The following CSMD1 variants were observed in gnomAD, a reference collection of about 807,000 sequenced individuals.
The protein encoded by CSMD1 is CUB and sushi domain-containing protein 1.
In CSMD1, 213 loss-of-function variants were observed where a neutral mutation model predicts 417.5. The observed-to-expected ratio is 0.51, with a 90% confidence interval of 0.46 to 0.57. The LOEUF is 0.57. CSMD1 is among the 20% of genes least tolerant of loss of function. The pLI is 0.00. For missense variants in CSMD1, 6,923 were observed against 4,529.7 expected, an observed-to-expected ratio of 1.53 and a Z score of -15.17; for synonymous variants, 2,862 against 1,736.8, an observed-to-expected ratio of 1.65 and a Z score of -16.11.
chr8:4,388,935 A>C (rs1258581819), intron 3 of CSMD1, among the ~76,000 whole-genome samples: 1 of 152,124 alleles, frequency 6.6e-6, no homozygotes, highest in Non-Finnish European at 1.5e-5. Flanking sequence ...ATGCTTTGAA[A>C]ACCTGTTGCC....
chr8:3,177,797 T>A (rs1239384264), intron 37 of CSMD1, among the ~76,000 whole-genome samples: 1 of 152,194 alleles, frequency 6.6e-6, no homozygotes, highest in Non-Finnish European at 1.5e-5. Context: ...GTAAGATCCA[T>A]CCTGTACACC....
chr8:3,930,312 G>C (rs2627334), intron 5 of CSMD1, among the ~76,000 whole-genome samples: 7 of 149,686 alleles, frequency 4.7e-5, no homozygotes, highest in Admixed American at 1.3e-4. Flanking sequence ...TCAAAGACCT[G>C]TGCTAACACT....
intron 3 of CSMD1, among the ~76,000 whole-genome samples, chr8:4,150,654 T>C (rs1216836700): frequency 1.3e-5 from 2 of 152,138 alleles, no homozygotes; most frequent in African/African-American, 2.4e-5. Context: ...GTTTTCCAAA[T>C]GGTTAGGGTG....
At chr8:4,130,135 A>G (rs923952583) in intron 3 of CSMD1, among the ~76,000 whole-genome samples, 9 of 152,240 alleles carry the variant, frequency 5.9e-5, no homozygotes, top group African/African-American at 2.2e-4. Flanking sequence ...CAGTAAATCA[A>G]GCTTGCTTAT....
intron 12 of CSMD1, among the ~76,000 whole-genome samples, chr8:3,432,286 C>G (rs1814265393): frequency 6.6e-6 from 1 of 151,932 alleles, no homozygotes; most frequent in African/African-American, 2.4e-5. Context: ...GATTGAGAAA[C>G]TATGCAAATG....
At chr8:4,089,942 T>G (rs1051559108) in intron 3 of CSMD1, among the ~76,000 whole-genome samples, 3 of 152,166 alleles carry the variant, frequency 2.0e-5, no homozygotes, top group Non-Finnish European at 4.4e-5. Flanking sequence ...CATGTATTAT[T>G]GTTGAATACG....
intron 1 of CSMD1, among the ~76,000 whole-genome samples, chr8:4,835,120 T>C (rs193216159): frequency 6.6e-6 from 1 of 151,956 alleles, no homozygotes. Context: ...CATTTATTAT[T>C]AAGGCGGCAA....
intron 3 of CSMD1, among the ~76,000 whole-genome samples, chr8:4,401,882 C>T (rs1412703276): frequency 2.0e-5 from 3 of 152,116 alleles, no homozygotes; most frequent in African/African-American, 7.2e-5. Context: ...TTTGACTCTT[C>T]TGTCTTCAGG....
chr8:4,394,933 C>T (rs777956856), intron 3 of CSMD1, among the ~76,000 whole-genome samples: 1 of 152,180 alleles, frequency 6.6e-6, no homozygotes, highest in African/African-American at 2.4e-5. Flanking sequence ...TGAATCTCAA[C>T]TCACAGCTCA....
At chr8:4,079,072 T>C (rs996912592) in intron 3 of CSMD1, among the ~76,000 whole-genome samples, 6 of 151,856 alleles carry the variant, frequency 4.0e-5, no homozygotes, top group African/African-American at 1.2e-4. Context: ...ATGGAACTTA[T>C]ACAGCTCATT....
chr8:4,130,082 T>A (rs1482037763), intron 3 of CSMD1, among the ~76,000 whole-genome samples: 1 of 152,132 alleles, frequency 6.6e-6, no homozygotes, highest in East Asian at 1.9e-4. Flanking sequence ...AGTGTGTGTG[T>A]GAGAGGAGGG....
At chr8:4,481,216 T>A (rs1378587870) in intron 2 of CSMD1, among the ~76,000 whole-genome samples, 2 of 152,238 alleles carry the variant, frequency 1.3e-5, no homozygotes, top group Non-Finnish European at 1.5e-5. Context: ...TACCTTCCTA[T>A]CAGCAGACCT....
At chr8:3,134,113 A>G (rs1053933919) in intron 41 of CSMD1, among the ~76,000 whole-genome samples, 1 of 152,182 alleles carries the variant, frequency 6.6e-6, no homozygotes, top group Non-Finnish European at 1.5e-5. Flanking sequence ...TAGAGGTTGC[A>G]GTGAGCCGAG....
intron 3 of CSMD1, among the ~76,000 whole-genome samples, chr8:4,072,876 C>G (rs768841408): frequency 6.6e-6 from 1 of 152,158 alleles, no homozygotes; most frequent in Non-Finnish European, 1.5e-5. Flanking sequence ...TAAACCCAAC[C>G]TCTATGTACA....
At chr8:4,587,490 T>C (rs1585292792) in intron 2 of CSMD1, among the ~76,000 whole-genome samples, 2 of 152,038 alleles carry the variant, frequency 1.3e-5, no homozygotes, top group African/African-American at 4.8e-5. Flanking sequence ...TATGTACATA[T>C]ATGTATATAT....
chr8:4,044,592 TC>T (rs755635086), intron 3 of CSMD1, among the ~76,000 whole-genome samples: 1 of 152,186 alleles, frequency 6.6e-6, no homozygotes, highest in Non-Finnish European at 1.5e-5. Context: ...GATAATTAAA[TC>T]CGGGTCTCAT....
chr8:3,785,669 G>C (rs1193873725), intron 5 of CSMD1, among the ~76,000 whole-genome samples: 2 of 152,174 alleles, frequency 1.3e-5, no homozygotes, highest in Non-Finnish European at 1.5e-5. Flanking sequence ...ATCGCCCTGA[G>C]GGTGAGTGTG....
intron 4 of CSMD1, among the ~76,000 whole-genome samples, chr8:3,999,553 G>T (rs796299929): frequency 2.6e-5 from 4 of 152,236 alleles, no homozygotes; most frequent in African/African-American, 9.6e-5. Context: ...CAAATTAGCT[G>T]CCTTCAGTTT....
At position 3,409,590 on chromosome 8, in the gene CSMD1, C is replaced by G; in HGVS notation, c.1577G>C (p.Gly526Ala). 6.3e-7 allele frequency: 1 copy of G among 1,589,760 alleles called. No individual in the cohort carries two copies. The change falls in exon 13 of 70, where the codon GGG (glycine) becomes GCG (alanine). Residue 526 changes from glycine to alanine, a missense_variant. Transcript: ENST00000635120. ...GGCGGGGATTCCAGGATCCCCACAC[C>G]CTCCCTTTTCAATTTCTGAAAATGG... ...KAVYQEIEKG[G>A]CGDPGIPAYG...
Sources: gnomAD v4.1 joint callset for allele counts (sites outside exome capture counted in the v4.1 genomes callset) on GRCh38, gnomAD v4.1.1 for gene constraint, MANE v1.5 for transcripts, NCBI Gene and HGNC (gene_info 2026-07-23, HGNC 2026-07-21) for gene names.